The following C17orf67 variants were observed in gnomAD, a reference collection of about 807,000 sequenced individuals.
The protein encoded by C17orf67 is uncharacterized protein C17orf67.
Under a neutral mutation model 11.2 loss-of-function variants are expected in C17orf67, and 12 were observed. The ratio of observed to expected loss-of-function variants is 1.07; its 90% confidence interval spans 0.68 to 1.73. The LOEUF is 1.73. Among genes scored for constraint, C17orf67 ranks in the 40% most tolerant of loss-of-function variants. The probability of loss-of-function intolerance (pLI) is 0.00; values close to 1 mark genes in which losing one functional copy is unlikely to be tolerated. For missense variants in C17orf67, 115 were observed against 113.5 expected (o/e 1.01, Z -0.06); for synonymous variants, 59 against 46.9 (o/e 1.26, Z -1.05).
At chr17:56,797,858 A>C (rs1406781466) in intron 6 of C17orf67, among the ~76,000 whole-genome samples, 1 of 152,218 alleles carries the variant, frequency 6.6e-6, no homozygotes, top group African/African-American at 2.4e-5. Flanking sequence ...AATTTTCTGT[A>C]TATGGGTTAC....
At chr17:56,794,154 A>T (rs546419139) in intron 7 of C17orf67, among the ~76,000 whole-genome samples, 1 of 152,334 alleles carries the variant, frequency 6.6e-6, no homozygotes, top group Admixed American at 6.5e-5. Context: ...CCCTGCAATG[A>T]CACCAGGGTA....
In C17orf67 at chr17:56,815,766, A is replaced by G. The variant is rs774325284; in HGVS notation, c.45T>C (p.Thr15=). The change falls in exon 5 of 8, where the codon ACT becomes ACC. Residue 15 remains threonine, a synonymous_variant. Coordinates refer to ENST00000397861, the MANE Select transcript of C17orf67 (RefSeq NM_001085430.4). ...PVLVLSLTLL[T]VFSETSPILT... The stretch of plus-strand genomic sequence containing the variant: ...GGAGTCAGTGCCCACCTGAGAAGAC[A>G]GTCAGTAAGGTAAGAGACAGCACGA... 3 of 1,610,772 alleles carry G rather than the reference A, an allele frequency of 1.9e-6. No homozygotes were observed. Among genetic ancestry groups the G allele is most frequent in the Admixed American group, 3.3e-5 (2 of 59,980 alleles).
rs201208059 is a variant in C17orf67, at chr17:56,814,919, G to A, written c.106C>T (p.Arg36Trp). The A allele has an allele frequency of 1.1e-4, 180 of 1,614,082 alleles. 1 individual carries two copies. Among genetic ancestry groups the A allele is most frequent in the African/African-American group, 1.1e-3 (82 of 75,034 alleles). ...EKQAKQLLRS[R>W]RQDRPSKPGF... is the part of the protein sequence containing the mutation. ...GGTTTGCTTGGTCTATCCTGTCGCCGAGATCTTAGGAGCTGTTTGGCCTGC... is the reference window on the plus strand; with the variant it reads ...GGTTTGCTTGGTCTATCCTGTCGCCAAGATCTTAGGAGCTGTTTGGCCTGC... The change falls in exon 6 of 8, where the codon CGG becomes TGG. Residue 36 changes from arginine (R) to tryptophan (W), a missense_variant. Coordinates refer to ENST00000397861, the MANE Select transcript of C17orf67 (RefSeq NM_001085430.4).
At chr17:56,796,689 T>C (rs1410316517) in intron 6 of C17orf67, among the ~76,000 whole-genome samples, 1 of 152,116 alleles carries the variant, frequency 6.6e-6, no homozygotes, top group Non-Finnish European at 1.5e-5. Flanking sequence ...CCGGAATAGT[T>C]CTCAGATGCC....
Position 56,814,853 on chromosome 17 carries a change from A to G in C17orf67, c.156+16T>C. On this transcript the variant is annotated intron_variant, in intron 6 of 7. Transcript: ENST00000397861. ...TGATCACATTTTCTTTAAAACTGCC[A>G]GAGCAAAGCACTCACCCGCATTGGC... 1 of 1,611,264 alleles carries G rather than the reference A, an allele frequency of 6.2e-7. No individual in the cohort carries two copies. The highest frequency in any genetic ancestry group is 2.2e-5 in the East Asian group (1 of 44,870).
At chr17:56,806,307 T>C (rs1384628794) in intron 6 of C17orf67, among the ~76,000 whole-genome samples, 1 of 152,182 alleles carries the variant, frequency 6.6e-6, no homozygotes, top group Non-Finnish European at 1.5e-5. Flanking sequence ...TTTGACTCTT[T>C]CTTGGTTTCC....
intron 4 of C17orf67, among the ~76,000 whole-genome samples, chr17:56,820,822 G>C (rs974540963): frequency 1.6e-5 from 2 of 123,678 alleles, no homozygotes; most frequent in East Asian, 5.3e-4. Context: ...AGATATTTAA[G>C]TGTCATTGAC....
At chr17:56,798,463 T>G (rs1045544292) in intron 6 of C17orf67, among the ~76,000 whole-genome samples, 1 of 152,104 alleles carries the variant, frequency 6.6e-6, no homozygotes, top group Non-Finnish European at 1.5e-5. Flanking sequence ...TTTTTACAGT[T>G]GATGCACCTG....
At chr17:56,816,529 G>C (rs1236055610) in intron 4 of C17orf67, among the ~76,000 whole-genome samples, 1 of 152,170 alleles carries the variant, frequency 6.6e-6, no homozygotes, top group Non-Finnish European at 1.5e-5. Context: ...CCATCTTACA[G>C]TAAGAAAAGT....
At chr17:56,832,394 A>G (rs1906234232) in intron 2 of C17orf67, among the ~76,000 whole-genome samples, 1 of 152,238 alleles carries the variant, frequency 6.6e-6, no homozygotes, top group Admixed American at 6.5e-5. Flanking sequence ...TTTCTTAAAG[A>G]GTTAACAACA....
chr17:56,799,213 T>C (rs1040316162), intron 6 of C17orf67, among the ~76,000 whole-genome samples: 1 of 152,226 alleles, frequency 6.6e-6, no homozygotes. Context: ...TTCACTGCCC[T>C]AAAAATCTGC....
chr17:56,808,963 C>A (rs1905522832), intron 6 of C17orf67, among the ~76,000 whole-genome samples: 1 of 151,870 alleles, frequency 6.6e-6, no homozygotes, highest in East Asian at 1.9e-4. Context: ...TTGCACAGTC[C>A]CTTAACATGG....
At chr17:56,810,205 T>C (rs1567796206) in intron 6 of C17orf67, among the ~76,000 whole-genome samples, 1 of 111,794 alleles carries the variant, frequency 8.9e-6, no homozygotes, top group Admixed American at 9.2e-5. Context: ...ACACACACTC[T>C]CACACACACC....
At chr17:56,830,313 C>A (rs1906161328) in intron 2 of C17orf67, among the ~76,000 whole-genome samples, 1 of 151,310 alleles carries the variant, frequency 6.6e-6, no homozygotes, top group Non-Finnish European at 1.5e-5. Flanking sequence ...CCACTGCACT[C>A]CAGTCTGGGT....
intron 5 of C17orf67, 33 bp from the exon 6 acceptor site, chr17:56,815,002 T>C: frequency 2.6e-6 from 4 of 1,562,574 alleles, no homozygotes; most frequent in Non-Finnish European, 3.5e-6. Context: ...TTAAGGACAC[T>C]CAGGCTCAGG....
intron 6 of C17orf67, chr17:56,795,419 C>G (rs1905194119): frequency 3.9e-6 from 2 of 515,578 alleles, no homozygotes; most frequent in African/African-American, 3.8e-5. Flanking sequence ...TCCATGAAAA[C>G]ATGGGACAAC....
chr17:56,795,680 T>C (rs912266645), intron 6 of C17orf67, among the ~76,000 whole-genome samples: 22 of 152,302 alleles, frequency 1.4e-4, no homozygotes, highest in African/African-American at 5.3e-4. Context: ...GAAACTCTTA[T>C]ATCAGGAAAG....
At chr17:56,814,043 C>T (rs772387059) in intron 6 of C17orf67, among the ~76,000 whole-genome samples, 14 of 152,062 alleles carry the variant, frequency 9.2e-5, no homozygotes, top group South Asian at 2.1e-4. Flanking sequence ...TAATTATGCA[C>T]GAGATTTTGC....
At chr17:56,825,960 T>TGTGCGC (rs10633404) in intron 2 of C17orf67, among the ~76,000 whole-genome samples, 9 of 150,976 alleles carry the variant, frequency 6.0e-5, no homozygotes, top group South Asian at 2.1e-4. Flanking sequence ...TGTGTGTGTG[T>TGTGCGC]GCACGCGTGT....
Sources: allele counts gnomAD v4.1 joint callset (sites outside exome capture counted in the v4.1 genomes callset), GRCh38; gene constraint gnomAD v4.1.1; transcripts MANE v1.5; gene names NCBI Gene and HGNC (gene_info 2026-07-23, HGNC 2026-07-21).